MS4A8: variants seen among roughly 807,000 people sequenced by gnomAD.
MS4A8 encodes membrane-spanning 4-domains subfamily A member 8.
MS4A8 carries 27 observed loss-of-function variants against 23.7 expected under a neutral mutation model. That is an observed-to-expected ratio of 1.14 (90% CI 0.84 to 1.57). The LOEUF is 1.57. Ranked by LOEUF, MS4A8 falls within the 40% of genes most tolerant of loss-of-function variation. The probability of loss-of-function intolerance (pLI) is 0.00; values close to 1 mark genes in which losing one functional copy is unlikely to be tolerated. For synonymous variants in MS4A8, 138 were observed against 126.3 expected (o/e 1.09, Z -0.62); for missense variants, 301 against 311.4 (o/e 0.97, Z 0.25).
chr11:60,706,218 A>G (rs2088254643), intron 3 of MS4A8, among the ~76,000 whole-genome samples: 1 of 152,206 alleles, frequency 6.6e-6, no homozygotes, highest in East Asian at 1.9e-4. Flanking sequence ...TGCCCCACAA[A>G]TGGTAGCTCC....
At chr11:60,702,178 AC>A (rs1253553722) in intron 2 of MS4A8, among the ~76,000 whole-genome samples, 1 of 152,228 alleles carries the variant, frequency 6.6e-6, no homozygotes, top group Non-Finnish European at 1.5e-5. Flanking sequence ...CATGTAGCCT[AC>A]CAAACATCAT....
rs1464724792 is a variant in MS4A8, at chr11:60,703,456, T to C, written c.298T>C (p.Ser100Pro). 2 of 1,609,158 alleles carry C rather than the reference T, an allele frequency of 1.2e-6. No individual in the cohort carries two copies. Among genetic ancestry groups the C allele is most frequent in the East Asian group, 2.3e-5 (1 of 44,378 alleles). Residue 100 changes from serine to proline, a missense_variant, in exon 3 of 7, where the codon TCT becomes CCT. By Grantham distance (74) the Ser-to-Pro change is moderately conservative. Transcript: ENST00000300226. ...MATVLVGEYL[S>P]ISFYGGFPFW... ...GACGGTTCTCGTAGGGGAATACCTG[T>C]CTATTTCATTCTACGGAGGCTTTCC...
rs572167586 is a variant in MS4A8, at chr11:60,715,519, G to A, written c.*105G>A. 181 of 784,458 alleles carry A rather than the reference G, an allele frequency of 2.3e-4. 3 individuals carry two copies. Among genetic ancestry groups the A allele is most frequent in the African/African-American group, 2.1e-3 (123 of 58,416 alleles). 48.6% of individuals were successfully genotyped at this position (784,458 alleles called of 1,614,324 possible). On this transcript the variant is annotated 3_prime_UTR_variant, in exon 7 of 7. Transcript: ENST00000300226. ...TTCCTGTTCTGACAGCTGAGGAAACGTCTCTCCCACTGTTTGTACTCTCAC... is the reference window on the plus strand; with the variant it reads ...TTCCTGTTCTGACAGCTGAGGAAACATCTCTCCCACTGTTTGTACTCTCAC...
intron 2 of MS4A8, chr11:60,701,325 C>T (rs577087408): frequency 1.9e-4 from 115 of 612,856 alleles, no homozygotes; most frequent in East Asian, 1.0e-3. Flanking sequence ...AAAAGCAGCA[C>T]GCTTGAAGGT....
chr11:60,709,354 A>G (rs900980973), intron 5 of MS4A8: 3 of 152,620 alleles, frequency 2.0e-5, no homozygotes, highest in African/African-American at 4.8e-5. Flanking sequence ...TGCAAGCCAC[A>G]TGTTATTTTA....
intron 1 of MS4A8, among the ~76,000 whole-genome samples, chr11:60,700,344 G>A (rs1031898796): frequency 1.3e-5 from 2 of 152,154 alleles, no homozygotes; most frequent in South Asian, 2.1e-4. Context: ...TCAGGAGTTC[G>A]AGACCAGCCT....
chr11:60,715,233 T>G (rs1374013908), intron 6 of MS4A8, 77 bp from the exon 7 acceptor site: 7 of 1,481,418 alleles, frequency 4.7e-6, no homozygotes, highest in Middle Eastern at 1.7e-4. Context: ...GGAGCAGGAG[T>G]AGTTCCTCGG....
At chr11:60,711,099 T>G (rs2088296781) in intron 5 of MS4A8, among the ~76,000 whole-genome samples, 1 of 152,208 alleles carries the variant, frequency 6.6e-6, no homozygotes, top group South Asian at 2.1e-4. Flanking sequence ...TTTGTTACAT[T>G]TCATGCTTAC....
intron 1 of MS4A8, among the ~76,000 whole-genome samples, chr11:60,700,322 G>A (rs2088191134): frequency 1.3e-5 from 2 of 152,358 alleles, no homozygotes; most frequent in Non-Finnish European, 2.9e-5. Context: ...GAGGCAAGCG[G>A]ATCGCCTGAG....
rs556986030 is a variant in MS4A8, at chr11:60,711,553, G to A, written c.534+2772G>A. On this transcript the variant is annotated intron_variant, in intron 5 of 6. Transcript: ENST00000300226. Reference sequence around the variant, plus strand: ...TGTGCCCTACAGTTCACCTCCCTTCGAATCTCTCACTCACCCTGAACCCCA... The same window carrying A: ...TGTGCCCTACAGTTCACCTCCCTTCAAATCTCTCACTCACCCTGAACCCCA... Among the ~76,000 whole-genome samples the A allele has an allele frequency of 3.5e-4, 54 of 152,164 alleles. 2 individuals carry two copies. The highest frequency in any genetic ancestry group is 2.7e-3 in the Admixed American group (41 of 15,272).
chr11:60,712,074 T>A (rs1430709650), intron 5 of MS4A8: 2 of 276,240 alleles, frequency 7.2e-6, no homozygotes, highest in Non-Finnish European at 7.1e-6. Flanking sequence ...TAAAAAAATT[T>A]TATTTAAAAA....
Position 60,700,902 on chromosome 11 carries a change from G to A in MS4A8, c.42G>A (p.Val14=), listed in dbSNP as rs2088197874. ...CAGCAGTTCCGGTGGCCAATTCTGTGTTGGTGGTGGCACCCCACAATGGTT... is the reference window on the plus strand; with the variant it reads ...CAGCAGTTCCGGTGGCCAATTCTGTATTGGTGGTGGCACCCCACAATGGTT... ...MTSAVPVANS[V]LVVAPHNGYP... The change falls in exon 2 of 7, where the codon GTG becomes GTA. Residue 14 remains valine, a synonymous_variant. Coordinates refer to ENST00000300226, the MANE Select transcript of MS4A8 (RefSeq NM_031457.2). 13 of 1,613,962 alleles carry A rather than the reference G, an allele frequency of 8.1e-6. No homozygotes were observed. The highest frequency in any genetic ancestry group is 2.7e-5 in the African/African-American group (2 of 74,902).
chr11:60,707,821 T>C (rs1437319182), intron 4 of MS4A8, among the ~76,000 whole-genome samples: 4 of 127,884 alleles, frequency 3.1e-5, no homozygotes, highest in Non-Finnish European at 6.4e-5. Flanking sequence ...TCTTTTTTTT[T>C]TTTTTTTTTT....
At chr11:60,700,585 G>A (rs1372051727) in intron 1 of MS4A8, among the ~76,000 whole-genome samples, 1 of 152,114 alleles carries the variant, frequency 6.6e-6, no homozygotes, top group Admixed American at 6.6e-5. Flanking sequence ...GAGACACAAA[G>A]ATGGAAAAGA....
intron 3 of MS4A8, among the ~76,000 whole-genome samples, chr11:60,704,814 A>C (rs1288872941): frequency 3.5e-5 from 4 of 115,242 alleles, no homozygotes; most frequent in Non-Finnish European, 5.0e-5. Context: ...CCCCCTGCCC[A>C]CACACACACA....
At position 60,715,727 on chromosome 11, in the gene MS4A8, TG is replaced by T. The variant is rs1157816544; in HGVS notation, c.*316del. 5.6e-6 allele frequency: 2 copies of T among 354,656 alleles called. No individual in the cohort carries two copies. Among genetic ancestry groups the T allele is most frequent in the Admixed American group, 4.4e-5 (1 of 22,518 alleles). The allele number at this position is 354,656 out of a possible 1,614,324, so 22.0% of individuals were successfully genotyped here. A position where few individuals can be genotyped will look rare whatever the true frequency, so the allele number is the denominator to read the frequency against. On this transcript the variant is annotated 3_prime_UTR_variant, in exon 7 of 7. Transcript: ENST00000300226. ...GTGTGCTCTGCTGCATGTGAGCTTG[TG>T]GGTTAGAGGAACAAATATCTAGACA...
In MS4A8 at chr11:60,712,559, C is replaced by T. The variant is rs572760990; in HGVS notation, c.535-2462C>T. 4.1e-4 allele frequency: 383 copies of T among 924,338 alleles called. 4 individuals carry two copies. In the South Asian group the frequency reaches 0.017, roughly 41 times the overall value. 57.3% of individuals were successfully genotyped at this position (924,338 alleles called of 1,614,324 possible). A position where few individuals can be genotyped will look rare whatever the true frequency, so the allele number is the denominator to read the frequency against. On this transcript the variant is annotated intron_variant, in intron 5 of 6. Transcript: ENST00000300226. The stretch of plus-strand genomic sequence containing the variant: ...CTGTAATCCCAGCACTTTGGGAGAC[C>T]GAGGCAGGTGGATCACTTGAGCTCA...
chr11:60,708,578 CT>C lies in MS4A8; in HGVS notation c.403-70del, dbSNP rs1364416419. On this transcript the variant is annotated intron_variant, in intron 4 of 6. Coordinates refer to ENST00000300226, the MANE Select transcript of MS4A8 (RefSeq NM_031457.2). Reference sequence around the variant, plus strand: ...TAGAAATTGGGGGGAAAAAGAAACACTTGTTGGGTCTCCATTCATCTCAGCT... The same window carrying C: ...TAGAAATTGGGGGGAAAAAGAAACACTGTTGGGTCTCCATTCATCTCAGCT... 10 of 1,431,448 alleles carry C rather than the reference CT, an allele frequency of 7.0e-6. No homozygotes were observed. In the East Asian group the frequency reaches 2.5e-4, roughly 35 times the overall value. 88.7% of individuals were successfully genotyped at this position (1,431,448 alleles called of 1,614,324 possible). A position where few individuals can be genotyped will look rare whatever the true frequency, so the allele number is the denominator to read the frequency against.
rs35956659 is a variant in MS4A8 at position 60,703,441 on chromosome 11, G to T, written c.283G>T (p.Val95Leu). The change falls in exon 3 of 7, where the codon GTA becomes TTA. Residue 95 changes from valine to leucine, a missense_variant. Transcript: ENST00000300226. ...CGGCTCCATCATGGCGACGGTTCTC[G>T]TAGGGGAATACCTGTCTATTTCATT... The part of the protein sequence containing the change: ...GLGSIMATVL[V>L]GEYLSISFYG... The T allele has an allele frequency of 8.4e-3, 13,524 of 1,607,224 alleles. 930 individuals are homozygous for T. The African/African-American group carries it at 0.16, about 19-fold the overall frequency.
Sources: allele counts gnomAD v4.1 joint callset (sites outside exome capture counted in the v4.1 genomes callset), GRCh38; gene constraint gnomAD v4.1.1; transcripts MANE v1.5; gene names NCBI Gene and HGNC (gene_info 2026-07-23, HGNC 2026-07-21).